Variants in LEMD2 observed in about 807,000 individuals in gnomAD.
The protein encoded by LEMD2 is LEM domain nuclear envelope protein 2.
LEMD2 carries 34 observed loss-of-function variants against 58.8 expected under a neutral mutation model. The observed-to-expected ratio is 0.58, with a 90% confidence interval of 0.44 to 0.77. The LOEUF (loss-of-function observed/expected upper bound fraction) is 0.77, where lower values mean the gene tolerates loss of function less well. LEMD2 is among the 30% of genes least tolerant of loss of function. The pLI is 0.00. For missense variants in LEMD2, 629 were observed against 717.9 expected (o/e 0.88, Z 1.42); for synonymous variants, 298 against 308.9 (o/e 0.96, Z 0.37).
At chr6:33,774,330 C>T (rs868736756) in intron 8 of LEMD2, among the ~76,000 whole-genome samples, 4 of 151,850 alleles carry the variant, frequency 2.6e-5, no homozygotes, top group African/African-American at 4.8e-5. Context: ...TGCCACCATG[C>T]CCGGCTAATT....
At chr6:33,781,365 C>T (rs762982266) in intron 3 of LEMD2, 29 of 565,828 alleles carry the variant, frequency 5.1e-5, no homozygotes, top group Non-Finnish European at 7.2e-5. Flanking sequence ...ACCTGCAAAG[C>T]AGTGTGGCAT....
In LEMD2 at chr6:33,776,396, T is replaced by C. The variant is rs574757085; in HGVS notation, c.1361+558A>G. On this transcript the variant is annotated intron_variant, in intron 8 of 8. Coordinates refer to ENST00000293760, the MANE Select transcript of LEMD2 (RefSeq NM_181336.4). ...GTGTCACTGGAGGCTACTGGGAACATGTTCTCTTGCTTATAAGACAACAAT... is the reference window on the plus strand; with the variant it reads ...GTGTCACTGGAGGCTACTGGGAACACGTTCTCTTGCTTATAAGACAACAAT... Among the ~76,000 whole-genome samples, 34 of 152,306 alleles carry C rather than the reference T, an allele frequency of 2.2e-4. No individual in the cohort carries two copies. In the East Asian group the frequency reaches 6.2e-3, roughly 28 times the overall value.
intron 4 of LEMD2, 92 bp downstream of exon 4, chr6:33,780,985 A>G (rs573132254): frequency 6.7e-4 from 560 of 833,116 alleles, no homozygotes; most frequent in Non-Finnish European, 1.0e-3. Flanking sequence ...GCCACAAAGC[A>G]AACAAAAAAC....
chr6:33,786,820 G>A (rs749247222), intron 1 of LEMD2, 46 bp from the exon 2 acceptor site: 2 of 1,609,376 alleles, frequency 1.2e-6, no homozygotes, highest in Non-Finnish European at 1.7e-6. Flanking sequence ...TGTGGGTTGA[G>A]AAAGGAATAC....
At chr6:33,786,992 C>T (rs1767692415) in intron 1 of LEMD2, 2 of 1,072,836 alleles carry the variant, frequency 1.9e-6, no homozygotes, top group Admixed American at 7.1e-5. Context: ...GGGTCCTTGT[C>T]CCAGCTGAAA....
chr6:33,784,337 AC>A lies in LEMD2; in HGVS notation c.853+14del, dbSNP rs1193844947. 4 of 1,605,774 alleles carry A rather than the reference AC, an allele frequency of 2.5e-6. No individual in the cohort carries two copies. The highest frequency in any genetic ancestry group is 3.4e-6 in the Non-Finnish European group (4 of 1,172,564). ...TCTCACAAGAGGAATCTCAGGACTT[AC>A]GTGACTTACTCACCAGCTTGGATGG... On this transcript the variant is annotated intron_variant, in intron 3 of 8. Transcript: ENST00000293760.
At chr6:33,782,017 G>A (rs1767576713) in intron 3 of LEMD2, 1 of 152,220 alleles carries the variant, frequency 6.6e-6, no homozygotes, top group African/African-American at 2.4e-5. Context: ...AGCAGCTGAA[G>A]GTCATATTTT....
At chr6:33,784,557 G>A in intron 2 of LEMD2, 130 bp from the exon 3 acceptor site, 1 of 658,948 alleles carries the variant, frequency 1.5e-6, no homozygotes, top group Admixed American at 2.5e-5. Flanking sequence ...TTACAAAATA[G>A]AAAAAAATTC....
intron 8 of LEMD2, among the ~76,000 whole-genome samples, chr6:33,773,884 G>A (rs1003109863): frequency 3.9e-5 from 6 of 152,202 alleles, no homozygotes; most frequent in Non-Finnish European, 5.9e-5. Flanking sequence ...CTGACGTGGG[G>A]AGCTTGGCCT....
At chr6:33,787,331 C>T (rs1767700889) in intron 1 of LEMD2, among the ~76,000 whole-genome samples, 1 of 111,402 alleles carries the variant, frequency 9.0e-6, no homozygotes, top group Non-Finnish European at 2.1e-5. Flanking sequence ...AGCAGGTCGA[C>T]AAACTATTCA....
intron 3 of LEMD2, among the ~76,000 whole-genome samples, chr6:33,782,641 C>T (rs1459974089): frequency 1.3e-5 from 2 of 152,262 alleles, no homozygotes; most frequent in African/African-American, 4.8e-5. Context: ...CCCAGAACTT[C>T]TGGCCTCTTG....
At chr6:33,782,285 G>A (rs1767582370) in intron 3 of LEMD2, 1 of 152,264 alleles carries the variant, frequency 6.6e-6, no homozygotes, top group Admixed American at 6.5e-5. Flanking sequence ...GCTTAACTGT[G>A]CTACTCAAGC....
rs1367111439 is a variant in LEMD2 at position 33,771,953 on chromosome 6, C to G, written c.*675G>C. On this transcript the variant is annotated 3_prime_UTR_variant, in exon 9 of 9. Transcript: ENST00000293760. Reference sequence around the variant, plus strand: ...TGAGGCGGGCCCGCCCGCCCTGGGGCTGCCCGACCCTCCTCTCTGCTCTCA... The same window carrying G: ...TGAGGCGGGCCCGCCCGCCCTGGGGGTGCCCGACCCTCCTCTCTGCTCTCA... 1.3e-5 allele frequency: 1 copy of G among 77,146 alleles called. No individual in the cohort carries two copies. Among genetic ancestry groups the G allele is most frequent in the Non-Finnish European group, 3.5e-5 (1 of 28,886 alleles). 4.8% of individuals were successfully genotyped at this position (77,146 alleles called of 1,614,324 possible).
rs1030147429 is a variant in LEMD2 at position 33,778,664 on chromosome 6, A to T, written c.1011-277T>A. The T allele has an allele frequency of 1.3e-5, 4 of 317,192 alleles. No individual in the cohort carries two copies. The highest frequency in any genetic ancestry group is 1.7e-5 in the Non-Finnish European group (3 of 174,962). 19.6% of individuals were successfully genotyped at this position (317,192 alleles called of 1,614,324 possible). ...TTGACAGCCTCTCTCAGCATGCAGG[A>T]GATTAAACTGTAAATTGGATTCCCA... On this transcript the variant is annotated intron_variant, in intron 5 of 8. Transcript: ENST00000293760. The surrounding 1 kb of genome is among the most constrained non-coding windows in gnomAD (Gnocchi z 4.7).
At chr6:33,785,740 TAC>T (rs1217764292) in intron 2 of LEMD2, among the ~76,000 whole-genome samples, 1 of 152,212 alleles carries the variant, frequency 6.6e-6, no homozygotes, top group Non-Finnish European at 1.5e-5. Context: ...CATCATCAAC[TAC>T]AGTTTTTATG....
intron 2 of LEMD2, chr6:33,784,663 C>T (rs551152124): frequency 5.4e-4 from 251 of 464,620 alleles, no homozygotes; most frequent in Non-Finnish European, 4.7e-4. Flanking sequence ...AAAGCAGACA[C>T]TGTAACCAAG....
At chr6:33,780,026 C>T (rs1767527711) in intron 5 of LEMD2, 74 bp downstream of exon 5, 1 of 1,277,050 alleles carries the variant, frequency 7.8e-7, no homozygotes, top group Non-Finnish European at 1.1e-6. Flanking sequence ...TCTGTTGGAG[C>T]ACGGGTGTTA....
At position 33,772,691 on chromosome 6, in the gene LEMD2, T is replaced by C. The variant is rs764944454; in HGVS notation, c.1449A>G (p.Ala483=). Residue 483 remains alanine, a synonymous_variant, in exon 9 of 9, where the codon GCA becomes GCG. Coordinates refer to ENST00000293760, the MANE Select transcript of LEMD2 (RefSeq NM_181336.4). The part of the protein sequence containing the change: ...SRIQTESHRV[A]GEDMLVWRWT... ...ATCTCCACACCAGCATGTCCTCTCC[T>C]GCAACGCGGTGGGACTCCGTCTGGA... is the stretch of plus-strand genomic sequence containing the variant. The C allele has an allele frequency of 1.2e-6, 2 of 1,614,058 alleles. No homozygotes were observed. The highest frequency in any genetic ancestry group is 1.7e-6 in the Non-Finnish European group (2 of 1,179,978).
chr6:33,778,252 G>A lies in LEMD2; in HGVS notation c.1146C>T (p.Ile382=), dbSNP rs764798142. ...CGGCCGAGGACTTACACCAGAAGAA[G>A]ATGAGCACGTTGGTGACAGCAGTGA... is the stretch of plus-strand genomic sequence containing the variant. ...ALLTAVTNVL[I]FFWCLAFLWG... is the part of the protein sequence containing the mutation. The change falls in exon 6 of 9, where the codon ATC becomes ATT. Residue 382 remains isoleucine (I), a synonymous_variant. Coordinates refer to ENST00000293760, the MANE Select transcript of LEMD2 (RefSeq NM_181336.4). The surrounding 1 kb of genome is among the most constrained non-coding windows in gnomAD (Gnocchi z 4.7). 5 of 1,597,630 alleles carry A rather than the reference G, an allele frequency of 3.1e-6. No individual in the cohort carries two copies. Among genetic ancestry groups the A allele is most frequent in the Admixed American group, 1.7e-5 (1 of 57,880 alleles).
Sources: allele counts gnomAD v4.1 joint callset (sites outside exome capture counted in the v4.1 genomes callset), GRCh38; gene constraint gnomAD v4.1.1; non-coding constraint Gnocchi (gnomAD v3.1); transcripts MANE v1.5; gene names NCBI Gene and HGNC (gene_info 2026-07-23, HGNC 2026-07-21).